Variants in FOCAD observed in about 807,000 individuals in gnomAD.
The protein encoded by FOCAD is focadhesin, also known as KIAA1797.
A neutral mutation model predicts 225.6 loss-of-function variants in FOCAD; 198 were observed. That is an observed-to-expected ratio of 0.88 (90% CI 0.78 to 0.99). The LOEUF (loss-of-function observed/expected upper bound fraction) is 0.99, where lower values mean the gene tolerates loss of function less well. Among genes scored for constraint, FOCAD ranks in the 50% least tolerant of loss-of-function variants. FOCAD has a pLI of 0.00. For synonymous variants in FOCAD, 897 were observed against 755.0 expected (o/e 1.19, Z -3.08); for missense variants, 2,713 against 2,123.6 (o/e 1.28, Z -5.46).
chr9:20,857,833 T>G (rs1828354316), intron 15 of FOCAD, among the ~76,000 whole-genome samples: 1 of 151,616 alleles, frequency 6.6e-6, no homozygotes, highest in Non-Finnish European at 1.5e-5. Flanking sequence ...GAGTTCTTTT[T>G]CAGCATCAGT....
chr9:20,928,537 A>G (rs1406945065), intron 26 of FOCAD, among the ~76,000 whole-genome samples: 1 of 152,176 alleles, frequency 6.6e-6, no homozygotes, highest in African/African-American at 2.4e-5. Flanking sequence ...TTTCTTTCCC[A>G]CTTGAGACAT....
rs770911786 is a variant in FOCAD at position 20,764,960 on chromosome 9, C to G, written c.586C>G (p.Leu196Val). ...SQLQEYAKLR[L>V]ALLKVLLQPQ... Reference sequence around the variant, plus strand: ...GTTACAAGAATATGCTAAACTCCGACTAGCCCTGCTGAAAGTCTTACTTCA... The same window carrying G: ...GTTACAAGAATATGCTAAACTCCGAGTAGCCCTGCTGAAAGTCTTACTTCA... Residue 196 changes from leucine (L) to valine (V), a missense_variant, in exon 7 of 44, where the codon CTA becomes GTA. By Grantham distance (32) the Leu-to-Val change is conservative. Transcript: ENST00000338382. 17 of 1,613,972 alleles carry G rather than the reference C, an allele frequency of 1.1e-5. No homozygotes were observed. The highest frequency in any genetic ancestry group is 1.4e-5 in the Non-Finnish European group (16 of 1,180,004).
intron 15 of FOCAD, among the ~76,000 whole-genome samples, chr9:20,840,982 G>C (rs893331643): frequency 1.3e-5 from 2 of 151,918 alleles, no homozygotes; most frequent in East Asian, 1.9e-4. Context: ...CAACTGAAAT[G>C]ATTATATGAT....
intron 43 of FOCAD, among the ~76,000 whole-genome samples, chr9:20,994,471 C>G (rs1239597283): frequency 6.6e-6 from 1 of 152,160 alleles, no homozygotes; most frequent in African/African-American, 2.4e-5. Context: ...TCTGGTCAGC[C>G]TGGAGTCAGT....
At chr9:20,782,766 T>C (rs1819507596) in intron 10 of FOCAD, among the ~76,000 whole-genome samples, 1 of 152,196 alleles carries the variant, frequency 6.6e-6, no homozygotes, top group African/African-American at 2.4e-5. Flanking sequence ...TGTGGCTTCA[T>C]CTGCAAAAGC....
chr9:20,839,796 G>T (rs1248905022), intron 15 of FOCAD, among the ~76,000 whole-genome samples: 1 of 151,968 alleles, frequency 6.6e-6, no homozygotes, highest in African/African-American at 2.4e-5. Context: ...ATTTCTTTGT[G>T]TTATGAACAT....
chr9:20,963,961 G>A (rs1245932615), intron 35 of FOCAD, among the ~76,000 whole-genome samples: 2 of 152,126 alleles, frequency 1.3e-5, no homozygotes, highest in African/African-American at 2.4e-5. Context: ...CACTGTCTCC[G>A]CTGCTAGAGT....
chr9:20,866,832 T>G, intron 17 of FOCAD, 97 bp from the exon 18 acceptor site: 1 of 719,190 alleles, frequency 1.4e-6, no homozygotes, highest in Non-Finnish European at 2.2e-6. Context: ...GAGGGAAGGT[T>G]TCTTTCCCCC....
chr9:20,670,568 A>G (rs1822033218), intron 2 of FOCAD, among the ~76,000 whole-genome samples: 1 of 152,124 alleles, frequency 6.6e-6, no homozygotes, highest in Admixed American at 6.6e-5. Context: ...GAATGCATTC[A>G]TTATCGCGAG....
intron 14 of FOCAD, 90 bp from the exon 15 acceptor site, chr9:20,822,899 A>G (rs1039768958): frequency 7.8e-7 from 1 of 1,285,896 alleles, no homozygotes; most frequent in Non-Finnish European, 1.0e-6. Flanking sequence ...AGTATAGAAA[A>G]TGATGGATGC....
At chr9:20,914,716 G>T (rs1833733739) in intron 23 of FOCAD, among the ~76,000 whole-genome samples, 1 of 152,146 alleles carries the variant, frequency 6.6e-6, no homozygotes, top group South Asian at 2.1e-4. Flanking sequence ...GTCTTTGTCA[G>T]CACAAAGAGG....
intron 15 of FOCAD, among the ~76,000 whole-genome samples, chr9:20,852,074 T>C (rs1243406192): frequency 6.6e-6 from 1 of 151,700 alleles, no homozygotes; most frequent in Non-Finnish European, 1.5e-5. Context: ...TTGAGATGAG[T>C]GCTTTTTTAT....
chr9:20,832,497 G>A (rs947248876), intron 15 of FOCAD, among the ~76,000 whole-genome samples: 1 of 151,920 alleles, frequency 6.6e-6, no homozygotes, highest in East Asian at 1.9e-4. Context: ...AGTACATCAT[G>A]GAGAATGGAG....
intron 11 of FOCAD, among the ~76,000 whole-genome samples, chr9:20,813,599 T>C (rs7868760): frequency 0.071 from 10,824 of 152,226 alleles, 770 homozygotes; most frequent in African/African-American, 0.18. Context: ...GAAAGGGTAC[T>C]TAGTGTGATT....
Position 20,990,117 on chromosome 9 carries a change from T to C in FOCAD, c.5005-6T>C. On this transcript the variant is annotated splice_polypyrimidine_tract_variant and splice_region_variant and intron_variant, in intron 41 of 43. Coordinates refer to ENST00000338382, the MANE Select transcript of FOCAD (RefSeq NM_001375567.1). ...TGACCTAACGTCATTTCTATTTTCA[T>C]CGTAGGCTTTGGACTTCTTCTTGCT... 1 of 1,613,918 alleles carries C rather than the reference T, an allele frequency of 6.2e-7. No individual in the cohort carries two copies. The highest frequency in any genetic ancestry group is 8.5e-7 in the Non-Finnish European group (1 of 1,179,792).
At chr9:20,796,626 T>C (rs1182080545) in intron 11 of FOCAD, among the ~76,000 whole-genome samples, 1 of 152,220 alleles carries the variant, frequency 6.6e-6, no homozygotes, top group African/African-American at 2.4e-5. Flanking sequence ...TTGAGAAGTG[T>C]CTGTTCATAT....
rs760917139 is a variant in FOCAD at position 20,916,922 on chromosome 9, C to G, written c.2837C>G (p.Thr946Ser). 9 of 1,603,606 alleles carry G rather than the reference C, an allele frequency of 5.6e-6. No homozygotes were observed. Among genetic ancestry groups the G allele is most frequent in the Non-Finnish European group, 7.7e-6 (9 of 1,176,296 alleles). ...WVRDMLTDEI[T>S]KAAAKESPVV... ...AGAGACATGCTGACTGATGAGATCA[C>G]CAAGGCAGCTGCAAAGTAAGATCCA... The change falls in exon 24 of 44, where the codon ACC becomes AGC. Residue 946 changes from threonine (T) to serine (S), a missense_variant. Thr to Ser is a moderately conservative substitution (Grantham distance 58, BLOSUM62 1). Transcript: ENST00000338382.
intron 2 of FOCAD, among the ~76,000 whole-genome samples, chr9:20,662,388 A>G (rs1440193356): frequency 1.3e-5 from 2 of 152,160 alleles, no homozygotes; most frequent in African/African-American, 4.8e-5. Flanking sequence ...AGCCAAAGTC[A>G]TGCCCTTCCC....
chr9:20,823,800 T>C (rs1824585345), intron 15 of FOCAD, among the ~76,000 whole-genome samples: 1 of 152,130 alleles, frequency 6.6e-6, no homozygotes, highest in African/African-American at 2.4e-5. Flanking sequence ...TGGTCAGTTA[T>C]GGTTGATAAT....
Sources: gnomAD v4.1 joint callset for allele counts (sites outside exome capture counted in the v4.1 genomes callset) on GRCh38, gnomAD v4.1.1 for gene constraint, MANE v1.5 for transcripts, NCBI Gene and HGNC (gene_info 2026-07-23, HGNC 2026-07-21) for gene names.